The following DOCK5 variants were observed in gnomAD, a reference collection of about 807,000 sequenced individuals.
DOCK5 encodes the protein dedicator of cytokinesis protein 5.
In DOCK5, 142 loss-of-function variants were observed where a neutral mutation model predicts 251.8. That is an observed-to-expected ratio of 0.56 (90% CI 0.49 to 0.65). The LOEUF (loss-of-function observed/expected upper bound fraction) is 0.65. Ranked by LOEUF, DOCK5 falls within the 30% of genes least tolerant of loss-of-function variation. DOCK5 has a pLI of 0.00. For synonymous variants in DOCK5, 842 were observed against 835.5 expected, an observed-to-expected ratio of 1.01 and a Z score of -0.13; for missense variants, 2,111 against 2,312.3, an observed-to-expected ratio of 0.91 and a Z score of 1.79.
intron 47 of DOCK5, among the ~76,000 whole-genome samples, chr8:25,402,340 A>G (rs1801453080): frequency 6.6e-6 from 1 of 151,924 alleles, no homozygotes; most frequent in South Asian, 2.1e-4. Context: ...TCTGTCGCCC[A>G]GGCTGGAGTG....
Position 25,389,040 on chromosome 8 carries a change from C to T in DOCK5, c.4132-51C>T, listed in dbSNP as rs1801210958. The T allele has an allele frequency of 1.9e-6, 3 of 1,584,640 alleles. No individual in the cohort carries two copies. The South Asian group carries it at 3.4e-5, about 18-fold the overall frequency. The stretch of plus-strand genomic sequence containing the variant: ...ACCTCAGTACCCGGAACTCCAGTTG[C>T]CTCTCCACTCTTCCTATGTAATGAC... On this transcript the variant is annotated intron_variant, in intron 40 of 51. Coordinates refer to ENST00000276440, the MANE Select transcript of DOCK5 (RefSeq NM_024940.8).
At chr8:25,327,230 C>T (rs185144713) in intron 18 of DOCK5, among the ~76,000 whole-genome samples, 9 of 152,288 alleles carry the variant, frequency 5.9e-5, no homozygotes, top group South Asian at 2.1e-4. Flanking sequence ...ACACAGAAAA[C>T]GATGAATAGG....
chr8:25,257,955 C>T (rs2117576617), intron 2 of DOCK5, among the ~76,000 whole-genome samples: 1 of 152,166 alleles, frequency 6.6e-6, no homozygotes, highest in African/African-American at 2.4e-5. Flanking sequence ...GAAAGTTAGA[C>T]TTTTAGCAAG....
At chr8:25,299,210 G>A (rs1586307141) in intron 8 of DOCK5, 109 bp downstream of exon 8, 1 of 1,269,098 alleles carries the variant, frequency 7.9e-7, no homozygotes, top group East Asian at 2.5e-5. Context: ...AAATAGGGAA[G>A]CATGGAAGAT....
intron 14 of DOCK5, among the ~76,000 whole-genome samples, chr8:25,318,265 A>G (rs1439741492): frequency 2.0e-5 from 3 of 150,258 alleles, no homozygotes; most frequent in African/African-American, 4.9e-5. Context: ...TTTTTTTTAT[A>G]TTTTTAGTAG....
chr8:25,369,479 G>T, intron 33 of DOCK5, 77 bp from the exon 34 acceptor site: 1 of 1,299,626 alleles, frequency 7.7e-7, no homozygotes, highest in Non-Finnish European at 1.1e-6. Context: ...CGAATGGGTT[G>T]GCCAAGTCTA....
intron 25 of DOCK5, among the ~76,000 whole-genome samples, chr8:25,343,412 G>T (rs934185952): frequency 6.6e-6 from 1 of 152,156 alleles, no homozygotes; most frequent in Non-Finnish European, 1.5e-5. Context: ...TCCTGGGAGA[G>T]CGGTTTTAAG....
intron 30 of DOCK5, among the ~76,000 whole-genome samples, chr8:25,366,278 G>A (rs543962138): frequency 6.6e-6 from 1 of 152,302 alleles, no homozygotes; most frequent in Admixed American, 6.5e-5. Context: ...ATCACCTGAG[G>A]TCAGGAGTTT....
Position 25,302,455 on chromosome 8 carries a change from G to C in DOCK5, c.976+1G>C. The C allele has an allele frequency of 1.3e-6, 2 of 1,551,454 alleles. No individual in the cohort carries two copies. Among genetic ancestry groups the C allele is most frequent in the Non-Finnish European group, 1.7e-6 (2 of 1,148,854 alleles). On this transcript the variant is annotated splice_donor_variant, in intron 10 of 51. Transcript: ENST00000276440. LOFTEE classifies it high-confidence loss of function. ...CTCCGAAGACCTTTTGGAGTGGCAG[G>C]TACAAGAGAGACCCAGAGACAAATG...
chr8:25,255,569 G>T (rs1179785062), intron 2 of DOCK5, among the ~76,000 whole-genome samples: 2 of 152,116 alleles, frequency 1.3e-5, no homozygotes, highest in Non-Finnish European at 2.9e-5. Flanking sequence ...TTTTAGAGCA[G>T]TAAATCTACT....
chr8:25,198,035 G>C (rs1801779262), intron 1 of DOCK5, among the ~76,000 whole-genome samples: 1 of 152,154 alleles, frequency 6.6e-6, no homozygotes, highest in African/African-American at 2.4e-5. Flanking sequence ...CAGGCATGAG[G>C]CACTGTGCCG....
At chr8:25,380,982 A>G (rs1801056563) in intron 39 of DOCK5, among the ~76,000 whole-genome samples, 1 of 151,724 alleles carries the variant, frequency 6.6e-6, no homozygotes. Context: ...GGCAGCCACC[A>G]TTCTAAATGC....
intron 1 of DOCK5, among the ~76,000 whole-genome samples, chr8:25,186,423 G>C (rs1200896141): frequency 6.7e-6 from 1 of 149,902 alleles, no homozygotes; most frequent in South Asian, 2.1e-4. Flanking sequence ...CGCCCAGGCC[G>C]GAGTGCAGTG....
At position 25,207,172 on chromosome 8, in the gene DOCK5, T is replaced by C. The variant is rs377112585; in HGVS notation, c.43+22221T>C. 9.2e-5 allele frequency among the ~76,000 whole-genome samples: 14 copies of C among 152,156 alleles called. No individual in the cohort carries two copies. The East Asian group carries it at 2.7e-3, about 29-fold the overall frequency. On this transcript the variant is annotated intron_variant, in intron 1 of 51. Transcript: ENST00000276440. ...ATCACTTTATTGATCGACCATAAGA[T>C]TCATGGTCGATCAATAAAGCAATGG... is the stretch of plus-strand genomic sequence containing the variant.
chr8:25,344,175 G>T (rs73216281), intron 25 of DOCK5, among the ~76,000 whole-genome samples: 12,360 of 152,126 alleles, frequency 0.081, 602 homozygotes, highest in East Asian at 0.18. Context: ...GAGAGGAGTG[G>T]GGCATGGAGG....
At chr8:25,186,644 G>A (rs1801438527) in intron 1 of DOCK5, among the ~76,000 whole-genome samples, 1 of 152,076 alleles carries the variant, frequency 6.6e-6, no homozygotes, top group African/African-American at 2.4e-5. Context: ...CTCCCAAAGT[G>A]TTGGGATTAC....
At chr8:25,275,260 C>G in intron 3 of DOCK5, 126 bp from the exon 4 acceptor site, 2 of 669,046 alleles carry the variant, frequency 3.0e-6, no homozygotes, top group Non-Finnish European at 5.0e-6. Context: ...TCCTGCCAAC[C>G]TGATCTCAGG....
At chr8:25,256,203 G>T (rs952574830) in intron 2 of DOCK5, among the ~76,000 whole-genome samples, 2 of 152,220 alleles carry the variant, frequency 1.3e-5, no homozygotes, top group Admixed American at 6.5e-5. Flanking sequence ...ATATGTGTGT[G>T]TGTGTTTAAC....
Position 25,369,560 on chromosome 8 carries a change from A to T in DOCK5, c.3443A>T (p.Glu1148Val), listed in dbSNP as rs1586369240. 6.2e-7 allele frequency: 1 copy of T among 1,609,132 alleles called. No homozygotes were observed. The highest frequency in any genetic ancestry group is 2.2e-5 in the East Asian group (1 of 44,790). ...FSGNGNFHMFENELITKLDQE... is the reference protein window; with the variant it reads ...FSGNGNFHMFVNELITKLDQE... ...AAATTCTGCCTCTACTTTCAGTTTG[A>T]GAATGAGCTGATCACAAAGCTGGAC... is the stretch of plus-strand genomic sequence containing the variant. Residue 1148 changes from glutamate (E) to valine (V), a missense_variant, in exon 34 of 52, where the codon GAG becomes GTG. Glu to Val is a moderately radical substitution (Grantham distance 121). Around this residue, in one of 3 missense-constraint regions of DOCK5, gnomAD observed 1,717 missense variants for 1,892.4 expected, o/e 0.91. Transcript: ENST00000276440.
Sources: allele counts gnomAD v4.1 joint callset (sites outside exome capture counted in the v4.1 genomes callset), GRCh38; gene constraint gnomAD v4.1.1; regional missense constraint gnomAD v4.1.1; transcripts MANE v1.5; gene names NCBI Gene and HGNC (gene_info 2026-07-23, HGNC 2026-07-21).